The following RAB4B variants were observed in gnomAD, a reference collection of about 807,000 sequenced individuals.
RAB4B encodes RAB4B, member RAS oncogene family.
RAB4B carries 15 observed loss-of-function variants against 28.3 expected under a neutral mutation model. That is an observed-to-expected ratio of 0.53 (90% CI 0.35 to 0.82). RAB4B has a LOEUF of 0.82. RAB4B is among the 40% of genes least tolerant of loss of function. RAB4B has a pLI of 0.01. For synonymous variants in RAB4B, 108 were observed against 116.3 expected, an observed-to-expected ratio of 0.93 and a Z score of 0.46; for missense variants, 244 against 288.5, an observed-to-expected ratio of 0.85 and a Z score of 1.12.
In RAB4B at chr19:40,789,578, A is replaced by G. The variant is rs564131180; in HGVS notation, c.*15+2600A>G. Among the ~76,000 whole-genome samples, 28 of 141,850 alleles carry G rather than the reference A, an allele frequency of 2.0e-4. 1 individual carries two copies. In the South Asian group the frequency reaches 5.7e-3, roughly 29 times the overall value. 93.1% of individuals were successfully genotyped at this position (141,850 alleles called of 152,430 possible). A position where few individuals can be genotyped will look rare whatever the true frequency, so the allele number is the denominator to read the frequency against. On this transcript the variant is annotated intron_variant, in intron 7 of 7. Transcript: ENST00000357052. ...GAGTGCAGTGGCACGATCTCGGCTC[A>G]CTGCAACCTCTGCCTCCTGGGTTCA...
intron 7 of RAB4B, among the ~76,000 whole-genome samples, chr19:40,794,961 T>C (rs1200638218): frequency 7.2e-6 from 1 of 139,590 alleles, no homozygotes; most frequent in Non-Finnish European, 1.5e-5. Flanking sequence ...TGGCTTGATC[T>C]GTAGATCAAG....
At chr19:40,780,205 C>T in intron 2 of RAB4B, 106 bp downstream of exon 2, 1 of 1,522,596 alleles carries the variant, frequency 6.6e-7, no homozygotes, top group Non-Finnish European at 8.9e-7. Context: ...AGGTACAAGT[C>T]CAGTGCTGGC....
chr19:40,787,582 G>A (rs575270236), intron 7 of RAB4B, among the ~76,000 whole-genome samples: 1 of 149,628 alleles, frequency 6.7e-6, no homozygotes, highest in Admixed American at 6.8e-5. Flanking sequence ...GGAGGCACTG[G>A]GGGAGAGGGG....
intron 7 of RAB4B, 101 bp from the exon 8 acceptor site, chr19:40,796,469 A>T (rs2083210684): frequency 6.6e-6 from 1 of 152,416 alleles, no homozygotes; most frequent in Non-Finnish European, 1.5e-5. Context: ...GTATGGACAG[A>T]CCGATGCAGA....
At chr19:40,780,359 G>A in intron 2 of RAB4B, 26 bp from the exon 3 acceptor site, 1 of 1,572,466 alleles carries the variant, frequency 6.4e-7, no homozygotes, top group East Asian at 2.3e-5. Flanking sequence ...TCCCTGTACT[G>A]CCCCTTCTGT....
intron 7 of RAB4B, among the ~76,000 whole-genome samples, chr19:40,794,220 G>A: frequency 6.6e-6 from 1 of 150,562 alleles, no homozygotes; most frequent in East Asian, 2.0e-4. Context: ...GATTACAGGC[G>A]CCCGCCACCA....
intron 5 of RAB4B, among the ~76,000 whole-genome samples, chr19:40,784,496 AAACAACAAC>A (rs112167083): frequency 6.6e-6 from 1 of 151,014 alleles, no homozygotes; most frequent in African/African-American, 2.4e-5. Context: ...CTGTCTCCAA[AAACAACAAC>A]AACAACAAAA....
At position 40,783,412 on chromosome 19, in the gene RAB4B, C is replaced by T. The variant is rs2083069192; in HGVS notation, c.213-366C>T. ...AGTGAGCCAAGATCGTACCACTGCA[C>T]TCCAGCCTGGGCTACAGAGCAAGAC... On this transcript the variant is annotated intron_variant, in intron 3 of 7. Transcript: ENST00000357052. 2.0e-5 allele frequency among the ~76,000 whole-genome samples: 3 copies of T among 152,012 alleles called. No individual in the cohort carries two copies. The South Asian group carries it at 6.2e-4, about 32-fold the overall frequency.
intron 3 of RAB4B, among the ~76,000 whole-genome samples, chr19:40,782,429 A>G (rs1281075040): frequency 6.6e-6 from 1 of 152,182 alleles, no homozygotes; most frequent in Admixed American, 6.5e-5. Context: ...GAAAATGTTG[A>G]ATGAATGAAT....
At chr19:40,790,334 C>G (rs2083144889) in intron 7 of RAB4B, among the ~76,000 whole-genome samples, 1 of 150,818 alleles carries the variant, frequency 6.6e-6, no homozygotes, top group Non-Finnish European at 1.5e-5. Flanking sequence ...GACTCTCTGT[C>G]TTCCAGTCTT....
Position 40,788,480 on chromosome 19 carries a change from T to TAAAA in RAB4B, c.*15+1502_*15+1503insAAAA, listed in dbSNP as rs1568494184. Among the ~76,000 whole-genome samples the TAAAA allele has an allele frequency of 1.2e-4, 9 of 76,092 alleles. 1 individual carries two copies. Among genetic ancestry groups the TAAAA allele is most frequent in the African/African-American group, 1.8e-4 (3 of 16,710 alleles). The allele number at this position is 76,092 out of a possible 152,430, so 49.9% of individuals were successfully genotyped here. ...CAGCCTGGGTGACAGAGCGAGACTC[T>TAAAA]TAAAAAAAAAAAAAAAAAAAAAAGT... On this transcript the variant is annotated intron_variant, in intron 7 of 7. Coordinates refer to ENST00000357052, the MANE Select transcript of RAB4B (RefSeq NM_016154.5).
intron 1 of RAB4B, chr19:40,779,754 A>G: frequency 1.3e-5 from 11 of 825,856 alleles, no homozygotes; most frequent in Non-Finnish European, 1.8e-5. Flanking sequence ...CAAAAAAACA[A>G]AAACAACGAC....
At chr19:40,779,679 G>A in intron 1 of RAB4B, 1 of 270,118 alleles carries the variant, frequency 3.7e-6, no homozygotes, top group Non-Finnish European at 7.1e-6. Context: ...GGAGGTGGAG[G>A]TTGCGGTGAG....
chr19:40,795,241 A>G (rs1472224661), intron 7 of RAB4B, among the ~76,000 whole-genome samples: 1 of 151,374 alleles, frequency 6.6e-6, no homozygotes, highest in African/African-American at 2.4e-5. Context: ...AGGTAATGCT[A>G]TATACAACCA....
Position 40,779,698 on chromosome 19 carries a change from G to A in RAB4B, c.17-321G>A, listed in dbSNP as rs1463203160. The A allele has an allele frequency of 5.2e-5, 16 of 309,180 alleles. 1 individual carries two copies. The highest frequency in any genetic ancestry group is 8.9e-5 in the African/African-American group (4 of 44,752). The allele number at this position is 309,180 out of a possible 1,614,324, so 19.2% of individuals were successfully genotyped here. The stretch of plus-strand genomic sequence containing the variant: ...GTGGAGGTTGCGGTGAGCCGAGATC[G>A]CGCCATTGCACTCCAGCCTGGGCAA... On this transcript the variant is annotated intron_variant, in intron 1 of 7. Transcript: ENST00000357052.
In RAB4B at chr19:40,796,846, C is replaced by G. The variant is rs1300043546; in HGVS notation, c.*292C>G. 2.0e-5 allele frequency: 3 copies of G among 152,958 alleles called. No individual in the cohort carries two copies. The highest frequency in any genetic ancestry group is 4.4e-5 in the Non-Finnish European group (3 of 68,266). The allele number at this position is 152,958 out of a possible 1,614,324, so 9.5% of individuals were successfully genotyped here. A position where few individuals can be genotyped will look rare whatever the true frequency, so the allele number is the denominator to read the frequency against. Reference sequence around the variant, plus strand: ...TGAGACCAGGGTCATTTGTCCCCAACTCCCCATCTGGCCCTGCTGTTGCTA... The same window carrying G: ...TGAGACCAGGGTCATTTGTCCCCAAGTCCCCATCTGGCCCTGCTGTTGCTA... On this transcript the variant is annotated 3_prime_UTR_variant, in exon 8 of 8. Transcript: ENST00000357052.
chr19:40,781,083 C>T (rs2083041934), intron 3 of RAB4B, among the ~76,000 whole-genome samples: 1 of 145,186 alleles, frequency 6.9e-6, no homozygotes, highest in South Asian at 2.2e-4. Flanking sequence ...CAAGACCAGC[C>T]TGCCAATATG....
intron 7 of RAB4B, 42 bp downstream of exon 7, chr19:40,787,020 G>T: frequency 6.6e-7 from 1 of 1,510,140 alleles, no homozygotes. Flanking sequence ...CGGCCTCTTG[G>T]GCATGGGGGA....
intron 5 of RAB4B, 39 bp from the exon 6 acceptor site, chr19:40,786,626 C>T: frequency 6.2e-7 from 1 of 1,611,516 alleles, no homozygotes; most frequent in Admixed American, 1.7e-5. Flanking sequence ...AGGGTGGGGA[C>T]TAACTGGGGC....
Sources: gnomAD v4.1 joint callset for allele counts (sites outside exome capture counted in the v4.1 genomes callset) on GRCh38, gnomAD v4.1.1 for gene constraint, MANE v1.5 for transcripts, NCBI Gene and HGNC (gene_info 2026-07-23, HGNC 2026-07-21) for gene names.